CYYR1: variants seen among roughly 807,000 people sequenced by gnomAD.
CYYR1 encodes cysteine and tyrosine-rich protein 1.
In CYYR1, 14 loss-of-function variants were observed where a neutral mutation model predicts 15.2. The observed-to-expected ratio is 0.92, with a 90% CI of 0.61 to 1.44. The LOEUF is 1.44. Among genes scored for constraint, CYYR1 ranks in the 40% most tolerant of loss-of-function variants. The pLI is 0.00. For synonymous variants in CYYR1, 80 were observed against 77.4 expected (o/e 1.03, Z -0.18); for missense variants, 228 against 209.5 (o/e 1.09, Z -0.54).
At chr21:26,505,983 A>G (rs1486814341) in intron 2 of CYYR1, among the ~76,000 whole-genome samples, 1 of 152,158 alleles carries the variant, frequency 6.6e-6, no homozygotes, top group Non-Finnish European at 1.5e-5. Flanking sequence ...CAATATATAC[A>G]TATTAAATAT....
intron 2 of CYYR1, among the ~76,000 whole-genome samples, chr21:26,537,770 C>G (rs1288505945): frequency 6.6e-6 from 1 of 151,958 alleles, no homozygotes; most frequent in Non-Finnish European, 1.5e-5. Context: ...ATACGTTGAC[C>G]CCTAATCACC....
chr21:26,541,530 AAAT>A (rs1475428405), intron 2 of CYYR1, among the ~76,000 whole-genome samples: 7 of 152,228 alleles, frequency 4.6e-5, no homozygotes, highest in Non-Finnish European at 7.3e-5. Context: ...TAGCTTTCAG[AAAT>A]AAAGATGACA....
At chr21:26,494,775 C>A (rs370653369) in intron 2 of CYYR1, among the ~76,000 whole-genome samples, 19 of 151,708 alleles carry the variant, frequency 1.3e-4, no homozygotes, top group African/African-American at 4.6e-4. Context: ...ATTTAAAAAT[C>A]AGATGTATTT....
intron 2 of CYYR1, chr21:26,482,553 ATTGT>A (rs2065196556): frequency 4.1e-6 from 4 of 977,600 alleles, no homozygotes; most frequent in Non-Finnish European, 4.9e-6. Flanking sequence ...GGTGAACTGC[ATTGT>A]TTGTTGAAGC....
intron 2 of CYYR1, among the ~76,000 whole-genome samples, chr21:26,530,299 AAGAG>A (rs997131482): frequency 6.6e-6 from 1 of 152,136 alleles, no homozygotes; most frequent in Admixed American, 6.5e-5. Context: ...CCTAAACTTA[AAGAG>A]AAAGTTGTAA....
chr21:26,487,420 A>G (rs1367983215), intron 2 of CYYR1, among the ~76,000 whole-genome samples: 1 of 152,144 alleles, frequency 6.6e-6, no homozygotes, highest in Admixed American at 6.5e-5. Flanking sequence ...TTCCTACTAC[A>G]GCGCTGAAAG....
At chr21:26,559,730 G>C (rs900599455) in intron 2 of CYYR1, among the ~76,000 whole-genome samples, 1 of 152,098 alleles carries the variant, frequency 6.6e-6, no homozygotes, top group Non-Finnish European at 1.5e-5. Flanking sequence ...ACCTCCACTA[G>C]TCTGTAATGC....
intron 2 of CYYR1, among the ~76,000 whole-genome samples, chr21:26,532,970 C>T (rs1423444039): frequency 6.6e-6 from 1 of 151,928 alleles, no homozygotes; most frequent in Non-Finnish European, 1.5e-5. Context: ...TGTGTTTAGA[C>T]TTGGGTTCTA....
intron 2 of CYYR1, among the ~76,000 whole-genome samples, chr21:26,537,003 C>A (rs1444932690): frequency 6.6e-6 from 1 of 152,086 alleles, no homozygotes; most frequent in East Asian, 1.9e-4. Flanking sequence ...CTGGTATGTT[C>A]TGTGATGGAA....
At position 26,468,330 on chromosome 21, in the gene CYYR1, C is replaced by G; in HGVS notation, c.*171G>C. On this transcript the variant is annotated 3_prime_UTR_variant, in exon 4 of 4. Transcript: ENST00000652641. ...ACATTAATACTCCAGATGGGGTCAG[C>G]TTTGAGCAGAGTAGAAATCCTATAT... The G allele has an allele frequency of 1.5e-6, 1 of 661,522 alleles. No individual in the cohort carries two copies. Among genetic ancestry groups the G allele is most frequent in the South Asian group, 1.7e-5 (1 of 59,360 alleles). The allele number at this position is 661,522 out of a possible 1,614,324, so 41.0% of individuals were successfully genotyped here. A position where few individuals can be genotyped will look rare whatever the true frequency, so the allele number is the denominator to read the frequency against.
At chr21:26,541,845 T>A (rs1045999802) in intron 2 of CYYR1, among the ~76,000 whole-genome samples, 6 of 152,122 alleles carry the variant, frequency 3.9e-5, no homozygotes, top group Admixed American at 3.9e-4. Flanking sequence ...TAAGGGTGCA[T>A]ATTGCAATCT....
intron 2 of CYYR1, among the ~76,000 whole-genome samples, chr21:26,488,240 A>C (rs1176428899): frequency 1.4e-5 from 2 of 139,422 alleles, no homozygotes; most frequent in East Asian, 2.1e-4. Flanking sequence ...ATCTTCCCCT[A>C]CTTCCTTCCT....
chr21:26,488,238 C>CTACT (rs370044701), intron 2 of CYYR1, among the ~76,000 whole-genome samples: 5,610 of 126,916 alleles, frequency 0.044, 153 homozygotes, highest in Middle Eastern at 0.086. Context: ...ACATCTTCCC[C>CTACT]TACTTCCTTC....
intron 2 of CYYR1, among the ~76,000 whole-genome samples, chr21:26,503,911 A>G (rs560126383): frequency 6.6e-6 from 1 of 152,312 alleles, no homozygotes; most frequent in South Asian, 2.1e-4. Flanking sequence ...TTAATTATTT[A>G]TTCAGATTTT....
At chr21:26,494,387 A>C (rs1205393297) in intron 2 of CYYR1, among the ~76,000 whole-genome samples, 1 of 152,188 alleles carries the variant, frequency 6.6e-6, no homozygotes, top group Non-Finnish European at 1.5e-5. Context: ...GAGAAAGAGA[A>C]TATCTTCTTT....
chr21:26,527,627 A>G (rs1308053190), intron 2 of CYYR1, among the ~76,000 whole-genome samples: 1 of 152,166 alleles, frequency 6.6e-6, no homozygotes, highest in African/African-American at 2.4e-5. Flanking sequence ...ACTTTTGTAC[A>G]TTTCTTTTAT....
chr21:26,513,555 G>T (rs1050766562), intron 2 of CYYR1, among the ~76,000 whole-genome samples: 3 of 152,074 alleles, frequency 2.0e-5, no homozygotes, highest in Non-Finnish European at 2.9e-5. Flanking sequence ...CACAAACCCA[G>T]GACCCAATCC....
At chr21:26,516,173 A>G (rs939867041) in intron 2 of CYYR1, among the ~76,000 whole-genome samples, 4 of 152,176 alleles carry the variant, frequency 2.6e-5, no homozygotes, top group African/African-American at 9.6e-5. Flanking sequence ...ATTGCATCCT[A>G]GGATCACACA....
intron 2 of CYYR1, among the ~76,000 whole-genome samples, chr21:26,519,956 A>C (rs2065780392): frequency 6.6e-6 from 1 of 151,928 alleles, no homozygotes; most frequent in Non-Finnish European, 1.5e-5. Context: ...CACTATTCAC[A>C]ATAGCAAAGA....
Sources: allele counts gnomAD v4.1 joint callset (sites outside exome capture counted in the v4.1 genomes callset), GRCh38; gene constraint gnomAD v4.1.1; transcripts MANE v1.5; gene names NCBI Gene and HGNC (gene_info 2026-07-23, HGNC 2026-07-21).